THSD7A: variants seen among roughly 807,000 people sequenced by gnomAD.
THSD7A encodes thrombospondin type 1 domain containing 7A, also known as thrombospondin type-1 domain-containing protein 7A.
In THSD7A, 96 loss-of-function variants were observed where a neutral mutation model predicts 231.3. The ratio of observed to expected loss-of-function variants is 0.41; its 90% confidence interval spans 0.35 to 0.49. THSD7A has a LOEUF of 0.49. Ranked by LOEUF, THSD7A falls within the 20% of genes least tolerant of loss-of-function variation. The pLI is 0.05. For synonymous variants in THSD7A, 940 were observed against 743.3 expected (o/e 1.26, Z -4.30); for missense variants, 2,290 against 2,070.2 (o/e 1.11, Z -2.06).
chr7:11,515,365 G>C (rs1787986935), intron 6 of THSD7A, among the ~76,000 whole-genome samples: 1 of 152,080 alleles, frequency 6.6e-6, no homozygotes, highest in South Asian at 2.1e-4. Context: ...TTTTCTACTT[G>C]TTATTTAACT....
intron 1 of THSD7A, among the ~76,000 whole-genome samples, chr7:11,824,987 G>A (rs190025177): frequency 1.4e-4 from 21 of 151,960 alleles, no homozygotes; most frequent in Admixed American, 1.2e-3. Context: ...TATAGTCTTT[G>A]GTAAGTGCTG....
At chr7:11,768,277 T>C (rs1208336624) in intron 1 of THSD7A, among the ~76,000 whole-genome samples, 2 of 152,192 alleles carry the variant, frequency 1.3e-5, no homozygotes, top group Non-Finnish European at 2.9e-5. Context: ...TCAGGATATA[T>C]TGGCAAACGG....
rs547446602 is a variant in THSD7A, at chr7:11,409,602, C to G, written c.3798+1605G>C. Reference sequence around the variant, plus strand: ...TCATGTATGCTTAGGTTTCAGCTTTCGCAAAGCTCTCATTTATTTTATATT... The same window carrying G: ...TCATGTATGCTTAGGTTTCAGCTTTGGCAAAGCTCTCATTTATTTTATATT... On this transcript the variant is annotated intron_variant, in intron 19 of 27. Transcript: ENST00000423059. Among the ~76,000 whole-genome samples, 28 of 152,258 alleles carry G rather than the reference C, an allele frequency of 1.8e-4. No individual in the cohort carries two copies. The South Asian group carries it at 4.6e-3, about 25-fold the overall frequency.
Position 11,533,867 on chromosome 7 carries a change from C to T in THSD7A, c.1822+7552G>A, listed in dbSNP as rs1788805359. On this transcript the variant is annotated intron_variant, in intron 6 of 27. Coordinates refer to ENST00000423059, the MANE Select transcript of THSD7A (RefSeq NM_015204.3). ...TTATGTAACAAACCTACAGGTTCTG[C>T]ACTTGTATCTTGGGACTTAAAGTGA... Among the ~76,000 whole-genome samples the T allele has an allele frequency of 2.0e-5, 3 of 152,272 alleles. No homozygotes were observed. In the South Asian group the frequency reaches 6.2e-4, roughly 32 times the overall value.
intron 4 of THSD7A, among the ~76,000 whole-genome samples, chr7:11,571,336 C>G (rs1013945141): frequency 2.6e-5 from 4 of 152,146 alleles, no homozygotes; most frequent in East Asian, 3.9e-4. Context: ...TTACTCATTC[C>G]CCAAGTTCTA....
At chr7:11,792,175 C>T (rs1468691032) in intron 1 of THSD7A, among the ~76,000 whole-genome samples, 2 of 151,922 alleles carry the variant, frequency 1.3e-5, no homozygotes, top group Non-Finnish European at 1.5e-5. Context: ...TTCATCTCTC[C>T]ATCATTATTG....
chr7:11,545,063 A>G (rs949584687), intron 4 of THSD7A, among the ~76,000 whole-genome samples: 2 of 152,250 alleles, frequency 1.3e-5, no homozygotes, highest in East Asian at 3.9e-4. Flanking sequence ...CTTGACACCA[A>G]TGATACACAT....
intron 1 of THSD7A, among the ~76,000 whole-genome samples, chr7:11,757,202 A>C (rs558220030): frequency 6.6e-6 from 1 of 152,192 alleles, no homozygotes; most frequent in African/African-American, 2.4e-5. Flanking sequence ...GTAGAACAGC[A>C]TTGTAATTAG....
At chr7:11,713,631 A>G (rs978738475) in intron 1 of THSD7A, among the ~76,000 whole-genome samples, 1 of 151,168 alleles carries the variant, frequency 6.6e-6, no homozygotes, top group Non-Finnish European at 1.5e-5. Context: ...TGGAATCCTA[A>G]CTTTTGTTTA....
At chr7:11,705,667 C>T (rs1418720824) in intron 1 of THSD7A, among the ~76,000 whole-genome samples, 2 of 150,998 alleles carry the variant, frequency 1.3e-5, no homozygotes, top group Admixed American at 6.6e-5. Flanking sequence ...TATATTTTAG[C>T]TATACTTCAC....
chr7:11,617,578 T>G (rs1031050469), intron 2 of THSD7A, among the ~76,000 whole-genome samples: 2 of 152,230 alleles, frequency 1.3e-5, no homozygotes, highest in African/African-American at 4.8e-5. Context: ...TCTAATATTT[T>G]ATTGTTGGCA....
intron 1 of THSD7A, among the ~76,000 whole-genome samples, chr7:11,731,534 A>G (rs560593948): frequency 9.2e-5 from 14 of 151,772 alleles, no homozygotes; most frequent in African/African-American, 3.4e-4. Flanking sequence ...CAATTGCTTG[A>G]GTTCAAAAAT....
intron 1 of THSD7A, among the ~76,000 whole-genome samples, chr7:11,804,653 T>C (rs969631305): frequency 1.3e-5 from 2 of 152,220 alleles, no homozygotes; most frequent in Non-Finnish European, 2.9e-5. Flanking sequence ...TCATGTGACT[T>C]TCTATTCCTA....
intron 1 of THSD7A, among the ~76,000 whole-genome samples, chr7:11,756,020 C>T (rs1283219926): frequency 6.6e-6 from 1 of 152,018 alleles, no homozygotes; most frequent in Non-Finnish European, 1.5e-5. Context: ...TAAAAATCTA[C>T]TTAATGATAA....
At chr7:11,797,263 A>G (rs1003172518) in intron 1 of THSD7A, among the ~76,000 whole-genome samples, 2 of 152,146 alleles carry the variant, frequency 1.3e-5, no homozygotes, top group African/African-American at 4.8e-5. Context: ...GTTGTTAATT[A>G]TGGATAACAC....
intron 1 of THSD7A, among the ~76,000 whole-genome samples, chr7:11,703,328 A>C (rs777712520): frequency 5.3e-5 from 8 of 151,228 alleles, no homozygotes; most frequent in Non-Finnish European, 8.9e-5. Flanking sequence ...CACACACACA[A>C]ACTGTGCTTG....
chr7:11,402,088 A>T, intron 22 of THSD7A, 120 bp from the exon 23 acceptor site: 1 of 740,504 alleles, frequency 1.4e-6, no homozygotes, highest in Non-Finnish European at 2.2e-6. Context: ...CATAATATTT[A>T]TAAGATTTAA....
intron 1 of THSD7A, among the ~76,000 whole-genome samples, chr7:11,812,376 C>G (rs9639100): frequency 0.57 from 86,506 of 151,784 alleles, 25,632 homozygotes; most frequent in Middle Eastern, 0.7. Context: ...TGAAGCAGCA[C>G]TTTATGCTTT....
rs1413278196 is a variant in THSD7A, at chr7:11,590,368, T to A, written c.1453+92A>T. The A allele has an allele frequency of 1.5e-6, 2 of 1,330,290 alleles. No homozygotes were observed. Among genetic ancestry groups the A allele is most frequent in the South Asian group, 1.6e-5 (1 of 62,762 alleles). The allele number at this position is 1,330,290 out of a possible 1,614,324, so 82.4% of individuals were successfully genotyped here. On this transcript the variant is annotated intron_variant, in intron 4 of 27. Coordinates refer to ENST00000423059, the MANE Select transcript of THSD7A (RefSeq NM_015204.3). This position sits in a 1 kb window ranked among gnomAD's most constrained non-coding sequence, Gnocchi z 4.4. ...AATGTGAACAGAAATGCAGCCCTCA[T>A]AACCTGGATGGCTGTGTATATATCC...
Sources: gnomAD v4.1 joint callset for allele counts (sites outside exome capture counted in the v4.1 genomes callset) on GRCh38, gnomAD v4.1.1 for gene constraint, Gnocchi (gnomAD v3.1) non-coding constraint, MANE v1.5 for transcripts, NCBI Gene and HGNC (gene_info 2026-07-23, HGNC 2026-07-21) for gene names.